Variants in PCSK5 observed in about 807,000 individuals in gnomAD.
PCSK5 encodes the protein prohormone convertase 5.
A neutral mutation model predicts 233.2 loss-of-function variants in PCSK5; 129 were observed. That is an observed-to-expected ratio of 0.55 (90% confidence interval 0.48 to 0.64). The LOEUF is 0.64. Ranked by LOEUF, PCSK5 falls within the 30% of genes least tolerant of loss-of-function variation. The probability of loss-of-function intolerance (pLI) is 0.00; values close to 1 mark genes in which losing one functional copy is unlikely to be tolerated. For missense variants in PCSK5, 2,076 were observed against 2,430.1 expected (o/e 0.85, Z 3.06); for synonymous variants, 825 against 879.2 (o/e 0.94, Z 1.09).
chr9:76,291,931 G>A (rs1198070420), intron 24 of PCSK5, among the ~76,000 whole-genome samples: 1 of 152,122 alleles, frequency 6.6e-6, no homozygotes, highest in East Asian at 1.9e-4. Context: ...AGGCCAGGGG[G>A]TTCTTAATGT....
intron 5 of PCSK5, among the ~76,000 whole-genome samples, chr9:76,062,933 A>G (rs1830082451): frequency 6.6e-6 from 1 of 152,056 alleles, no homozygotes; most frequent in South Asian, 2.1e-4. Flanking sequence ...CTATTACCCA[A>G]TGCCTCCTCA....
intron 1 of PCSK5, among the ~76,000 whole-genome samples, chr9:75,905,798 A>T (rs1826242160): frequency 6.6e-6 from 1 of 152,090 alleles, no homozygotes; most frequent in Non-Finnish European, 1.5e-5. Flanking sequence ...ATGAGAATCT[A>T]ACTAATGCCT....
chr9:76,196,002 C>T (rs985547122), intron 20 of PCSK5: 4 of 152,042 alleles, frequency 2.6e-5, no homozygotes, highest in East Asian at 3.8e-4. Flanking sequence ...GTGCATGAAA[C>T]ATCTAAATAA....
chr9:76,351,691 G>C (rs1050038085), intron 36 of PCSK5, among the ~76,000 whole-genome samples: 5 of 32,738 alleles, frequency 1.5e-4, no homozygotes, highest in African/African-American at 4.5e-4. Flanking sequence ...GGTAGGGAGG[G>C]AGGAAGGAAG....
intron 5 of PCSK5, among the ~76,000 whole-genome samples, chr9:76,051,458 C>G (rs910641011): frequency 7.2e-5 from 11 of 152,004 alleles, no homozygotes; most frequent in African/African-American, 2.7e-4. Flanking sequence ...ATATTGTTGA[C>G]CAAAATATTT....
At chr9:76,262,710 G>A (rs1400030381) in intron 24 of PCSK5, among the ~76,000 whole-genome samples, 1 of 150,858 alleles carries the variant, frequency 6.6e-6, no homozygotes, top group Non-Finnish European at 1.5e-5. Flanking sequence ...TCAGGACATA[G>A]GCATGGGCAA....
At chr9:76,307,939 T>C (rs2036057) in intron 28 of PCSK5, among the ~76,000 whole-genome samples, 68,154 of 151,980 alleles carry the variant, frequency 0.45, 16,437 homozygotes, top group East Asian at 0.84. Flanking sequence ...GGCTCACACC[T>C]GTAATCCCAG....
intron 20 of PCSK5, among the ~76,000 whole-genome samples, chr9:76,214,903 G>A (rs887477350): frequency 6.6e-6 from 1 of 152,056 alleles, no homozygotes; most frequent in African/African-American, 2.4e-5. Flanking sequence ...CCCAATGCCT[G>A]GACTTACGCT....
At chr9:76,187,125 T>C (rs978132780) in intron 17 of PCSK5, among the ~76,000 whole-genome samples, 2 of 152,160 alleles carry the variant, frequency 1.3e-5, no homozygotes. Context: ...ACTTTCCAAA[T>C]TTTTTTAAGA....
At chr9:76,080,795 A>T (rs1830805992) in intron 7 of PCSK5, among the ~76,000 whole-genome samples, 1 of 152,240 alleles carries the variant, frequency 6.6e-6, no homozygotes, top group Non-Finnish European at 1.5e-5. Flanking sequence ...TATTCAGCAG[A>T]GCTCCTGTAA....
chr9:76,344,379 TAA>T (rs1829921430), intron 35 of PCSK5, among the ~76,000 whole-genome samples: 1 of 152,102 alleles, frequency 6.6e-6, no homozygotes, highest in African/African-American at 2.4e-5. Flanking sequence ...AGCAACTCCA[TAA>T]AAACTCTACC....
chr9:76,166,475 G>A (rs755246821), intron 12 of PCSK5, among the ~76,000 whole-genome samples: 2 of 152,230 alleles, frequency 1.3e-5, no homozygotes. Flanking sequence ...AAGGGTGGAA[G>A]GGAAGAAACG....
intron 5 of PCSK5, among the ~76,000 whole-genome samples, chr9:76,061,230 C>T (rs1391342381): frequency 2.6e-5 from 4 of 152,058 alleles, no homozygotes; most frequent in Non-Finnish European, 4.4e-5. Flanking sequence ...CATTTTCAAA[C>T]ACATGGAACA....
Position 75,977,612 on chromosome 9 carries a change from G to T in PCSK5, c.298-8520G>T, listed in dbSNP as rs550604078. On this transcript the variant is annotated intron_variant, in intron 2 of 37. Coordinates refer to ENST00000674117, the MANE Select transcript of PCSK5 (RefSeq NM_001372043.1). ...AAAAGATAAAAATATGTACAAGAGT[G>T]GGTTTCTTTTTTTTTTAAGACAGAG... Among the ~76,000 whole-genome samples the T allele has an allele frequency of 2.5e-4, 38 of 150,180 alleles. 1 individual carries two copies. The highest frequency in any genetic ancestry group is 8.5e-4 in the African/African-American group (35 of 41,014).
At chr9:76,219,580 G>A (rs1438724009) in intron 20 of PCSK5, among the ~76,000 whole-genome samples, 1 of 152,046 alleles carries the variant, frequency 6.6e-6, no homozygotes, top group African/African-American at 2.4e-5. Context: ...AGGCTCTGTG[G>A]GCCACGCTCC....
In PCSK5 at chr9:76,179,651, C is replaced by T; in HGVS notation, c.1956C>T (p.His652=). The T allele has an allele frequency of 6.2e-7, 1 of 1,613,838 alleles. No homozygotes were observed. The highest frequency in any genetic ancestry group is 8.5e-7 in the Non-Finnish European group (1 of 1,179,770). ...GCTGTGACGGGCCAGGACCAGACCA[C>T]TGCAATGACTGTTTGCACTACTACT... ...EVGCDGPGPD[H]CNDCLHYYYK... The change falls in exon 15 of 38, where the codon CAC becomes CAT. Residue 652 remains histidine (H), a synonymous_variant. Transcript: ENST00000674117.
intron 2 of PCSK5, among the ~76,000 whole-genome samples, chr9:75,964,866 CA>C (rs1013147784): frequency 8.3e-4 from 126 of 151,866 alleles, no homozygotes; most frequent in African/African-American, 3.0e-3. Flanking sequence ...TTTTAAATAG[CA>C]TCTTTTCTCT....
intron 37 of PCSK5, among the ~76,000 whole-genome samples, chr9:76,355,530 G>A (rs1329863138): frequency 6.6e-6 from 1 of 152,056 alleles, no homozygotes; most frequent in African/African-American, 2.4e-5. Flanking sequence ...ATACTCTCTA[G>A]TCCAGAAGTA....
chr9:76,189,489 A>T, intron 19 of PCSK5, 142 bp from the exon 20 acceptor site: 1 of 656,902 alleles, frequency 1.5e-6, no homozygotes, highest in South Asian at 1.9e-5. Flanking sequence ...TGTGTCACCT[A>T]ACCTAGCAAT....
Sources: allele counts gnomAD v4.1 joint callset (sites outside exome capture counted in the v4.1 genomes callset), GRCh38; gene constraint gnomAD v4.1.1; transcripts MANE v1.5; gene names NCBI Gene and HGNC (gene_info 2026-07-23, HGNC 2026-07-21).